Variants in FRMD8 observed in about 807,000 individuals in gnomAD.
FRMD8 encodes the protein FERM domain containing 8.
FRMD8 carries 37 observed loss-of-function variants against 54.2 expected under a neutral mutation model. That is an observed-to-expected ratio of 0.68 (90% CI 0.53 to 0.90). The LOEUF (loss-of-function observed/expected upper bound fraction) is 0.90, where lower values mean the gene tolerates loss of function less well. FRMD8 is among the 40% of genes least tolerant of loss of function. The probability of loss-of-function intolerance (pLI) is 0.00; values close to 1 mark genes in which losing one functional copy is unlikely to be tolerated. For missense variants in FRMD8, 585 were observed against 653.7 expected, an observed-to-expected ratio of 0.89 and a Z score of 1.15; for synonymous variants, 246 against 286.9, an observed-to-expected ratio of 0.86 and a Z score of 1.44.
At chr11:65,396,193 G>A (rs376078092) in intron 6 of FRMD8, among the ~76,000 whole-genome samples, 1 of 152,210 alleles carries the variant, frequency 6.6e-6, no homozygotes, top group East Asian at 1.9e-4. Context: ...GAAGGGTTGG[G>A]TGACAGGACC....
intron 1 of FRMD8, 110 bp from the exon 2 acceptor site, chr11:65,386,927 C>G (rs1855743704): frequency 1.0e-6 from 1 of 957,562 alleles, no homozygotes; most frequent in Non-Finnish European, 1.6e-6. Flanking sequence ...CGCCGCTCAA[C>G]CTTGCGGACC....
chr11:65,387,325 T>C, intron 2 of FRMD8: 1 of 664,528 alleles, frequency 1.5e-6, no homozygotes, highest in Non-Finnish European at 2.7e-6. Context: ...CTCTCATTTG[T>C]AAAATGAGCT....
chr11:65,399,787 C>T lies in FRMD8; in HGVS notation c.855C>T (p.His285=). ...ACAAGCCGGCCCAAGGCTTTTTGCA[C>T]CGGGGTGGGCGCAAGCCAGTTTCTG... The part of the protein sequence containing the change: ...EVDKPAQGFL[H]RGGRKPVSVA... Residue 285 remains histidine (H), a synonymous_variant, in exon 8 of 11, where the codon CAC becomes CAT. Transcript: ENST00000317568. The T allele has an allele frequency of 6.2e-7, 1 of 1,614,076 alleles. No individual in the cohort carries two copies.
intron 6 of FRMD8, 124 bp downstream of exon 6, chr11:65,394,549 C>T: frequency 3.4e-6 from 4 of 1,190,612 alleles, no homozygotes; most frequent in Non-Finnish European, 4.6e-6. Flanking sequence ...GAGGCCTCAG[C>T]CCCGCAGGCT....
chr11:65,403,944 T>C (rs1313222839), intron 9 of FRMD8, among the ~76,000 whole-genome samples: 1 of 152,184 alleles, frequency 6.6e-6, no homozygotes, highest in Non-Finnish European at 1.5e-5. Context: ...CACTGCCCTT[T>C]GGCTGGTGGA....
intron 10 of FRMD8, among the ~76,000 whole-genome samples, chr11:65,407,540 C>T (rs898786273): frequency 9.0e-5 from 13 of 144,942 alleles, no homozygotes; most frequent in East Asian, 4.1e-4. Context: ...TGTGAGCCAC[C>T]GCACCCGGCC....
chr11:65,394,198 C>A, intron 5 of FRMD8, 61 bp from the exon 6 acceptor site: 1 of 1,592,642 alleles, frequency 6.3e-7, no homozygotes, highest in Admixed American at 1.8e-5. Context: ...CCCAGCCCAA[C>A]TGAGCAGCTC....
intron 2 of FRMD8, among the ~76,000 whole-genome samples, chr11:65,387,991 C>G (rs372212613): frequency 5.9e-5 from 9 of 151,976 alleles, no homozygotes; most frequent in Admixed American, 1.3e-4. Context: ...ATGGAGAAAC[C>G]CCTGTCTCTA....
chr11:65,401,192 C>G (rs1023335759), intron 9 of FRMD8, among the ~76,000 whole-genome samples: 3 of 152,062 alleles, frequency 2.0e-5, no homozygotes, highest in African/African-American at 7.3e-5. Flanking sequence ...CTGTTGTGAC[C>G]CTATTCACAG....
intron 7 of FRMD8, 22 bp downstream of exon 7, chr11:65,397,042 T>G: frequency 2.3e-6 from 3 of 1,311,108 alleles, no homozygotes; most frequent in Non-Finnish European, 2.0e-6. Context: ...AGCCCCGCGG[T>G]CCCCCACCCC....
At position 65,397,003 on chromosome 11, in the gene FRMD8, C is replaced by T. The variant is rs1186445889; in HGVS notation, c.786C>T (p.His262=). The stretch of plus-strand genomic sequence containing the variant: ...ACCGCGCCTATCTCCTCAAGTGCCA[C>T]GAGCTGCCGTTTTATGGGTAAGAGC... ...THYRAYLLKC[H]ELPFYGCAFF... Residue 262 remains histidine, a synonymous_variant, in exon 7 of 11, where the codon CAC becomes CAT. Transcript: ENST00000317568. 8 of 1,456,214 alleles carry T rather than the reference C, an allele frequency of 5.5e-6. No individual in the cohort carries two copies. Among genetic ancestry groups the T allele is most frequent in the South Asian group, 1.4e-5 (1 of 71,730 alleles). 90.2% of individuals were successfully genotyped at this position (1,456,214 alleles called of 1,614,324 possible).
upstream of FRMD8, chr11:65,383,784 A>G (rs1195299702): frequency 6.6e-5 from 4 of 60,512 alleles, no homozygotes; most frequent in East Asian, 7.5e-4. Flanking sequence ...CAAACAAACA[A>G]AAAAAAAACC....
chr11:65,381,139 T>C, the FRMD8 span: 1 of 152,900 alleles, frequency 6.5e-6, no homozygotes, highest in South Asian at 2.0e-4. Flanking sequence ...ACCCAGACTT[T>C]TTTTTTTTGA....
chr11:65,407,936 C>G (rs578072468), intron 10 of FRMD8, among the ~76,000 whole-genome samples: 2 of 151,424 alleles, frequency 1.3e-5, no homozygotes, highest in East Asian at 1.9e-4. Context: ...TGCAGCCATG[C>G]GCATGAGGAG....
chr11:65,384,903 G>A (rs1268900156), upstream of FRMD8, among the ~76,000 whole-genome samples: 2 of 152,156 alleles, frequency 1.3e-5, no homozygotes, highest in African/African-American at 2.4e-5. Context: ...TACAGATGGC[G>A]TCTCACTATG....
At chr11:65,393,952 A>T in intron 4 of FRMD8, 89 bp from the exon 5 acceptor site, 1 of 1,370,570 alleles carries the variant, frequency 7.3e-7, no homozygotes, top group African/African-American at 1.4e-5. Flanking sequence ...CTGGTGGGTG[A>T]GGTTGGTGGC....
chr11:65,379,969 C>T, the FRMD8 span: 70 of 1,613,406 alleles, frequency 4.3e-5, no homozygotes, highest in East Asian at 6.2e-4. Flanking sequence ...GGTAGGGTGG[C>T]GGGATGGGCA....
chr11:65,395,674 C>G (rs889046166), intron 6 of FRMD8, among the ~76,000 whole-genome samples: 1 of 152,178 alleles, frequency 6.6e-6, no homozygotes, highest in Non-Finnish European at 1.5e-5. Flanking sequence ...TCATGTGGGG[C>G]GGGGGAGATG....
At chr11:65,402,582 A>G (rs1468234583) in intron 9 of FRMD8, among the ~76,000 whole-genome samples, 1 of 152,156 alleles carries the variant, frequency 6.6e-6, no homozygotes, top group Non-Finnish European at 1.5e-5. Context: ...TTTCCATAGA[A>G]GTTTTAGAAT....
Sources: allele counts gnomAD v4.1 joint callset (sites outside exome capture counted in the v4.1 genomes callset), GRCh38; gene constraint gnomAD v4.1.1; transcripts MANE v1.5; gene names NCBI Gene and HGNC (gene_info 2026-07-23, HGNC 2026-07-21).